Variants in CSMD1 observed in about 807,000 individuals in gnomAD.
CSMD1 encodes CUB and Sushi multiple domains 1.
CSMD1 carries 213 observed loss-of-function variants against 417.5 expected under a neutral mutation model. That is an observed-to-expected ratio of 0.51 (90% CI 0.46 to 0.57). The LOEUF is 0.57. Ranked by LOEUF, CSMD1 falls within the 20% of genes least tolerant of loss-of-function variation. CSMD1 has a pLI of 0.00. For missense variants in CSMD1, 6,923 were observed against 4,529.7 expected, an observed-to-expected ratio of 1.53 and a Z score of -15.17; for synonymous variants, 2,862 against 1,736.8, an observed-to-expected ratio of 1.65 and a Z score of -16.11.
At chr8:3,800,441 C>G (rs79479496) in intron 5 of CSMD1, among the ~76,000 whole-genome samples, 3,038 of 152,124 alleles carry the variant, frequency 0.02, 93 homozygotes, top group African/African-American at 0.068. Flanking sequence ...AGTATAAATT[C>G]TACAAAAAGT....
At chr8:3,887,563 T>G (rs978143079) in intron 5 of CSMD1, among the ~76,000 whole-genome samples, 1 of 152,218 alleles carries the variant, frequency 6.6e-6, no homozygotes, top group African/African-American at 2.4e-5. Flanking sequence ...TAAATTAGAA[T>G]TCCTGTAGAG....
intron 10 of CSMD1, among the ~76,000 whole-genome samples, chr8:3,552,877 A>T (rs1405215489): frequency 1.3e-5 from 2 of 152,178 alleles, no homozygotes; most frequent in Admixed American, 1.3e-4. Flanking sequence ...TGTTTAATAC[A>T]AAAGTAAATT....
At chr8:4,015,723 TG>T (rs1187412998) in intron 4 of CSMD1, among the ~76,000 whole-genome samples, 6 of 151,304 alleles carry the variant, frequency 4.0e-5, no homozygotes, top group African/African-American at 4.9e-5. Flanking sequence ...CTAAAACTGT[TG>T]AAAAATACTG....
intron 15 of CSMD1, among the ~76,000 whole-genome samples, chr8:3,402,543 A>G (rs7815361): frequency 0.52 from 78,904 of 152,000 alleles, 20,906 homozygotes; most frequent in Middle Eastern, 0.62. Flanking sequence ...TATACTCAAC[A>G]TGTGCCTGGC....
chr8:4,575,607 G>C (rs542090714), intron 2 of CSMD1, among the ~76,000 whole-genome samples: 8 of 152,308 alleles, frequency 5.3e-5, no homozygotes, highest in African/African-American at 1.7e-4. Flanking sequence ...TGATATGGTA[G>C]ACATGTGGCT....
chr8:3,285,981 C>T (rs1445079617), intron 25 of CSMD1, among the ~76,000 whole-genome samples: 6 of 152,084 alleles, frequency 3.9e-5, no homozygotes, highest in Admixed American at 3.3e-4. Context: ...TATCCCTCCC[C>T]ACTTCCCACA....
intron 1 of CSMD1, among the ~76,000 whole-genome samples, chr8:4,798,265 T>TC (rs1224590561): frequency 6.6e-6 from 1 of 152,182 alleles, no homozygotes; most frequent in Non-Finnish European, 1.5e-5. Flanking sequence ...ATGCGGTGTT[T>TC]GTTTTCTGTC....
chr8:4,813,773 T>C (rs1799044431), intron 1 of CSMD1, among the ~76,000 whole-genome samples: 1 of 152,162 alleles, frequency 6.6e-6, no homozygotes, highest in South Asian at 2.1e-4. Context: ...TGGAGTAATT[T>C]TACTGTTGCT....
intron 30 of CSMD1, among the ~76,000 whole-genome samples, chr8:3,207,498 T>A (rs900833524): frequency 6.6e-6 from 1 of 152,098 alleles, no homozygotes; most frequent in African/African-American, 2.4e-5. Context: ...ACATGTTTAA[T>A]TCTTTGAATG....
intron 12 of CSMD1, among the ~76,000 whole-genome samples, chr8:3,435,272 G>C (rs1814477234): frequency 6.7e-6 from 1 of 149,466 alleles, no homozygotes; most frequent in African/African-American, 2.6e-5. Flanking sequence ...TGTTTTCACT[G>C]CACATATTTC....
chr8:4,785,748 T>A (rs902952598), intron 1 of CSMD1, among the ~76,000 whole-genome samples: 1 of 152,184 alleles, frequency 6.6e-6, no homozygotes, highest in African/African-American at 2.4e-5. Flanking sequence ...CAGTGCATCA[T>A]ACAAATAATA....
chr8:4,819,336 T>G (rs1033823271), intron 1 of CSMD1, among the ~76,000 whole-genome samples: 1 of 152,170 alleles, frequency 6.6e-6, no homozygotes, highest in Non-Finnish European at 1.5e-5. Context: ...CATATTCACA[T>G]AGGGAATATG....
chr8:4,353,792 T>G lies in CSMD1; in HGVS notation c.415+66161A>C, dbSNP rs76029002. 9.7e-3 allele frequency among the ~76,000 whole-genome samples: 1,483 copies of G among 152,288 alleles called. 23 individuals carry two copies. The highest frequency in any genetic ancestry group is 0.033 in the African/African-American group (1,377 of 41,546). On this transcript the variant is annotated intron_variant, in intron 3 of 69. Transcript: ENST00000635120. ...CATTTGATTTACTTATTTGCTGGCT[T>G]ATAAATGGCTCGATCATTAAAACCA... is the stretch of plus-strand genomic sequence containing the variant.
chr8:3,720,412 A>G (rs745933215), intron 6 of CSMD1, among the ~76,000 whole-genome samples: 2 of 152,146 alleles, frequency 1.3e-5, no homozygotes, highest in African/African-American at 2.4e-5. Flanking sequence ...AGGCACAACA[A>G]CCTCACTGTA....
At chr8:3,263,898 G>A (rs923621571) in intron 26 of CSMD1, among the ~76,000 whole-genome samples, 1 of 152,156 alleles carries the variant, frequency 6.6e-6, no homozygotes, top group Non-Finnish European at 1.5e-5. Flanking sequence ...ACTGTTTAAA[G>A]TTATTTTAAA....
intron 2 of CSMD1, among the ~76,000 whole-genome samples, chr8:4,461,477 T>A (rs920321689): frequency 6.7e-6 from 1 of 148,798 alleles, no homozygotes; most frequent in Admixed American, 6.8e-5. Context: ...TTAAAAACTA[T>A]TAGAATTTAA....
intron 5 of CSMD1, among the ~76,000 whole-genome samples, chr8:3,974,111 G>A (rs970265750): frequency 3.3e-5 from 5 of 151,878 alleles, no homozygotes; most frequent in African/African-American, 1.2e-4. Flanking sequence ...ATTACTTTTT[G>A]TACCCACATA....
chr8:3,546,871 G>C (rs75584610), intron 10 of CSMD1, among the ~76,000 whole-genome samples: 6,236 of 152,282 alleles, frequency 0.041, 169 homozygotes, highest in East Asian at 0.072. Flanking sequence ...TTGGAAAAAC[G>C]ATGTTGCAAG....
At chr8:4,535,484 T>A (rs975518029) in intron 2 of CSMD1, among the ~76,000 whole-genome samples, 1 of 152,194 alleles carries the variant, frequency 6.6e-6, no homozygotes, top group African/African-American at 2.4e-5. Flanking sequence ...ATGAAGTATA[T>A]GTGTTTCAAT....
Sources: allele counts gnomAD v4.1 joint callset (sites outside exome capture counted in the v4.1 genomes callset), GRCh38; gene constraint gnomAD v4.1.1; transcripts MANE v1.5; gene names NCBI Gene and HGNC (gene_info 2026-07-23, HGNC 2026-07-21).